Variants in PACRG observed in about 807,000 individuals in gnomAD.
PACRG encodes parkin coregulated, also known as parkin coregulated gene protein.
PACRG carries 29 observed loss-of-function variants against 29.7 expected under a neutral mutation model. That is an observed-to-expected ratio of 0.98 (90% confidence interval 0.73 to 1.33). The LOEUF (loss-of-function observed/expected upper bound fraction) is 1.33. Among genes scored for constraint, PACRG ranks in the 40% most tolerant of loss-of-function variants. The pLI, the probability that PACRG is intolerant of heterozygous loss-of-function variation, is 0.00. For missense variants in PACRG, 279 were observed against 316.2 expected, an observed-to-expected ratio of 0.88 and a Z score of 0.89; for synonymous variants, 116 against 118.7, an observed-to-expected ratio of 0.98 and a Z score of 0.15.
At chr6:163,281,961 T>A (rs1784239880) in intron 4 of PACRG, among the ~76,000 whole-genome samples, 1 of 152,170 alleles carries the variant, frequency 6.6e-6, no homozygotes, top group Non-Finnish European at 1.5e-5. Flanking sequence ...AAGAAGCAGA[T>A]CAAGTTTTTC....
At chr6:162,996,569 G>T (rs1804077849) in intron 2 of PACRG, among the ~76,000 whole-genome samples, 1 of 151,822 alleles carries the variant, frequency 6.6e-6, no homozygotes, top group African/African-American at 2.4e-5. Flanking sequence ...AAATTATGAT[G>T]AATCCATTCA....
At chr6:162,819,762 A>G (rs188437758) in intron 2 of PACRG, among the ~76,000 whole-genome samples, 13 of 152,328 alleles carry the variant, frequency 8.5e-5, no homozygotes, top group Non-Finnish European at 1.6e-4. Flanking sequence ...CTTATCTGTA[A>G]GTGACAACAA....
chr6:162,742,038 A>G (rs1483761749), intron 1 of PACRG, among the ~76,000 whole-genome samples: 1 of 152,120 alleles, frequency 6.6e-6, no homozygotes, highest in African/African-American at 2.4e-5. Context: ...TTTATGTCCT[A>G]TCACCAACAT....
intron 2 of PACRG, among the ~76,000 whole-genome samples, chr6:162,919,174 G>C (rs1246963336): frequency 6.6e-6 from 1 of 152,174 alleles, no homozygotes; most frequent in East Asian, 1.9e-4. Context: ...TTTAGACGAA[G>C]AACATAGCAT....
At chr6:162,782,630 A>G (rs1398122362) in intron 1 of PACRG, among the ~76,000 whole-genome samples, 1 of 151,664 alleles carries the variant, frequency 6.6e-6, no homozygotes, top group Non-Finnish European at 1.5e-5. Flanking sequence ...TTTAACTGTC[A>G]CTCTTTACAT....
intron 4 of PACRG, among the ~76,000 whole-genome samples, chr6:163,274,809 A>G (rs542365311): frequency 6.0e-5 from 9 of 149,952 alleles, no homozygotes; most frequent in African/African-American, 2.2e-4. Flanking sequence ...GTTACTTGGT[A>G]TGTACCTTTG....
chr6:163,054,542 C>T lies in PACRG; in HGVS notation c.292-7608C>T, dbSNP rs115253562. ...AAGAGTCCCTAAGGAGGAACTGCTG[C>T]GGGACTTTTCCTTAGTTCGGCTGAA... On this transcript the variant is annotated intron_variant, in intron 2 of 4. Coordinates refer to ENST00000366888, the MANE Select transcript of PACRG (RefSeq NM_001080379.2). Among the ~76,000 whole-genome samples, 329 of 152,296 alleles carry T rather than the reference C, an allele frequency of 2.2e-3. 3 individuals carry two copies. The highest frequency in any genetic ancestry group is 7.5e-3 in the African/African-American group (312 of 41,564).
intron 2 of PACRG, among the ~76,000 whole-genome samples, chr6:163,001,411 TC>T (rs1003883686): frequency 6.6e-6 from 1 of 152,152 alleles, no homozygotes; most frequent in Non-Finnish European, 1.5e-5. Context: ...CCAGAGAACG[TC>T]CCATAAGAAC....
At chr6:163,139,587 A>G (rs981229109) in intron 4 of PACRG, among the ~76,000 whole-genome samples, 5 of 152,236 alleles carry the variant, frequency 3.3e-5, no homozygotes, top group East Asian at 3.8e-4. Flanking sequence ...TGGCAAAAAA[A>G]AAGAGAAAGC....
chr6:162,903,401 A>G (rs1267861371), intron 2 of PACRG, among the ~76,000 whole-genome samples: 3 of 152,222 alleles, frequency 2.0e-5, no homozygotes, highest in Non-Finnish European at 4.4e-5. Flanking sequence ...ATACATACCC[A>G]AGACTGGGTA....
At chr6:163,098,452 C>T (rs775451531) in intron 4 of PACRG, among the ~76,000 whole-genome samples, 7 of 152,202 alleles carry the variant, frequency 4.6e-5, no homozygotes, top group Non-Finnish European at 1.0e-4. Flanking sequence ...CTCGTCCCTC[C>T]GATTATTCCC....
chr6:162,941,106 T>C (rs1170124699), intron 2 of PACRG, among the ~76,000 whole-genome samples: 1 of 151,972 alleles, frequency 6.6e-6, no homozygotes, highest in Non-Finnish European at 1.5e-5. Context: ...TCCAGTATCT[T>C]CCACCGGGTG....
intron 4 of PACRG, among the ~76,000 whole-genome samples, chr6:163,286,708 A>G (rs374577061): frequency 2.6e-5 from 4 of 152,182 alleles, no homozygotes; most frequent in East Asian, 1.9e-4. Flanking sequence ...ACTGAGTTCC[A>G]TATCGTCCCT....
At chr6:163,028,003 C>T (rs1187494618) in intron 2 of PACRG, among the ~76,000 whole-genome samples, 5 of 152,166 alleles carry the variant, frequency 3.3e-5, no homozygotes, top group South Asian at 2.1e-4. Flanking sequence ...GGAAAGGGCA[C>T]GCCAGCCTTG....
At chr6:163,148,222 G>A (rs1172272087) in intron 4 of PACRG, among the ~76,000 whole-genome samples, 1 of 152,150 alleles carries the variant, frequency 6.6e-6, no homozygotes, top group African/African-American at 2.4e-5. Flanking sequence ...GCCATTAGAG[G>A]CAGTCTTTCA....
At chr6:163,079,240 A>C (rs1812841754) in intron 3 of PACRG, among the ~76,000 whole-genome samples, 1 of 152,106 alleles carries the variant, frequency 6.6e-6, no homozygotes, top group South Asian at 2.1e-4. Flanking sequence ...GTCATCAAAA[A>C]AAATTGATAG....
chr6:162,764,198 C>T (rs1312696442), intron 1 of PACRG, among the ~76,000 whole-genome samples: 1 of 152,078 alleles, frequency 6.6e-6, no homozygotes, highest in Non-Finnish European at 1.5e-5. Flanking sequence ...TTGCTTGAAC[C>T]CAGGAGGCGG....
intron 4 of PACRG, among the ~76,000 whole-genome samples, chr6:163,116,985 C>T (rs9295211): frequency 0.12 from 17,738 of 152,080 alleles, 2,902 homozygotes; most frequent in African/African-American, 0.36. Context: ...ATGCCTGTCC[C>T]GTGGCCAGCA....
intron 1 of PACRG, among the ~76,000 whole-genome samples, chr6:162,745,508 AC>A (rs1188372000): frequency 6.6e-6 from 1 of 152,096 alleles, no homozygotes; most frequent in Non-Finnish European, 1.5e-5. Context: ...TATATAACAA[AC>A]CTGCTTGTTC....
Sources: gnomAD v4.1 joint callset for allele counts (sites outside exome capture counted in the v4.1 genomes callset) on GRCh38, gnomAD v4.1.1 for gene constraint, MANE v1.5 for transcripts, NCBI Gene and HGNC (gene_info 2026-07-23, HGNC 2026-07-21) for gene names.